Variants in POM121 observed in about 807,000 individuals in gnomAD.
POM121 encodes the protein POM121 transmembrane nucleoporin, also known as nuclear envelope pore membrane protein POM 121.
In POM121, 32 loss-of-function variants were observed where a neutral mutation model predicts 81.3. The ratio of observed to expected loss-of-function variants is 0.39; its 90% confidence interval spans 0.30 to 0.53. The LOEUF is 0.53. Ranked by LOEUF, POM121 falls within the 20% of genes least tolerant of loss-of-function variation. The pLI is 0.66. For synonymous variants in POM121, 514 were observed against 694.2 expected, an observed-to-expected ratio of 0.74 and a Z score of 4.08; for missense variants, 1,138 against 1,614.6, an observed-to-expected ratio of 0.70 and a Z score of 5.06.
intron 3 of POM121, among the ~76,000 whole-genome samples, chr7:72,902,892 T>C (rs1157121425): frequency 7.2e-5 from 11 of 152,218 alleles, no homozygotes; most frequent in Non-Finnish European, 5.9e-5. Flanking sequence ...TTGTTCTCCT[T>C]GTATCCTTTA....
chr7:72,937,926 A>C (rs1215755020), intron 5 of POM121, among the ~76,000 whole-genome samples: 1 of 152,242 alleles, frequency 6.6e-6, no homozygotes, highest in Non-Finnish European at 1.5e-5. Flanking sequence ...TTTAAAATGA[A>C]GTTAGTAAAT....
chr7:72,926,870 A>T lies in POM121; in HGVS notation c.929A>T (p.Glu310Val). 1.2e-6 allele frequency: 2 copies of T among 1,613,998 alleles called. No individual in the cohort carries two copies. The highest frequency in any genetic ancestry group is 4.5e-5 in the East Asian group (2 of 44,892). ...SSNAPDPCAK[E>V]TVLSALKEKE... Reference sequence around the variant, plus strand: ...AACGCCCCAGACCCATGTGCAAAGGAGACAGTACTGAGTGCCCTCAAAGAG... The same window carrying T: ...AACGCCCCAGACCCATGTGCAAAGGTGACAGTACTGAGTGCCCTCAAAGAG... The change falls in exon 3 of 13, where the codon GAG becomes GTG. Residue 310 changes from glutamate (E) to valine (V), a missense_variant. By Grantham distance (121) the Glu-to-Val change is moderately radical. Coordinates refer to ENST00000434423, the MANE Select transcript of POM121 (RefSeq NM_001387691.1).
chr7:72,925,540 A>C lies in POM121; in HGVS notation c.419A>C (p.Tyr140Ser). 2.0e-6 allele frequency: 3 copies of C among 1,530,164 alleles called. No homozygotes were observed. Among genetic ancestry groups the C allele is most frequent in the Non-Finnish European group, 2.6e-6 (3 of 1,144,624 alleles). 94.8% of individuals were successfully genotyped at this position (1,530,164 alleles called of 1,614,324 possible). Residue 140 changes from tyrosine to serine, a missense_variant, in exon 1 of 13, where the codon TAC becomes TCC. By Grantham distance (144) the Tyr-to-Ser change is moderately radical (BLOSUM62 -2). Around this residue, in one of 7 missense-constraint regions of POM121, gnomAD observed 646 missense variants for 633.5 expected, o/e 1.02. Transcript: ENST00000434423. ...DPAELLLMGS[Y>S]LGKPGPPQPA... ...GCGGAACTGCTACTCATGGGCAGTT[A>C]CCTGGGCAAGCCCGGGCCGCCGCAG...
chr7:72,925,770 G>A lies in POM121; in HGVS notation c.644+5G>A. 1 of 1,271,456 alleles carries A rather than the reference G, an allele frequency of 7.9e-7. No homozygotes were observed. The highest frequency in any genetic ancestry group is 2.1e-5 in the South Asian group (1 of 48,306). 78.8% of individuals were successfully genotyped at this position (1,271,456 alleles called of 1,614,324 possible). A position where few individuals can be genotyped will look rare whatever the true frequency, so the allele number is the denominator to read the frequency against. ...CTCCAGGAGGCCTTCCCCACGGTAA[G>A]ATGCGCTGATTTTGTCAGATCATCC... On this transcript the variant is annotated splice_donor_5th_base_variant and intron_variant, in intron 1 of 12. Transcript: ENST00000434423.
rs781784057 is a variant in POM121 at position 72,930,086 on chromosome 7, A to G, written c.1250A>G (p.Tyr417Cys). Residue 417 changes from tyrosine to cysteine, a missense_variant, in exon 5 of 13, where the codon TAC becomes TGC. This residue lies in a region of POM121 where 646 missense variants were observed against 633.5 expected (regional missense o/e 1.02). Transcript: ENST00000434423. ...AGCCGCAATGCCATTACCAGTTCCTACAGCTCCACTCGAGGCATCTCACAG... is the reference window on the plus strand; with the variant it reads ...AGCCGCAATGCCATTACCAGTTCCTGCAGCTCCACTCGAGGCATCTCACAG... ...SSSRNAITSS[Y>C]SSTRGISQLW... is the part of the protein sequence containing the mutation. The G allele has an allele frequency of 1.7e-5, 28 of 1,613,142 alleles. No homozygotes were observed. Among genetic ancestry groups the G allele is most frequent in the Non-Finnish European group, 2.4e-5 (28 of 1,179,454 alleles).
chr7:72,919,720 G>A (rs539982986), intron 4 of POM121, among the ~76,000 whole-genome samples: 2 of 152,060 alleles, frequency 1.3e-5, no homozygotes, highest in Non-Finnish European at 2.9e-5. Context: ...AGGCTCAAGC[G>A]ATCTGCCCAC....
chr7:72,943,403 C>CA lies in POM121; in HGVS notation c.3411dup (p.Ala1138SerfsTer33), dbSNP rs1256908204. The stretch of plus-strand genomic sequence containing the variant: ...TTTGGAGCAGGACAGAGTGGGAGCA[C>CA]AGCCACCTCCACCCCCTTCGCAGGG... On this transcript the variant is annotated frameshift_variant, in exon 11 of 13. Coordinates refer to ENST00000434423, the MANE Select transcript of POM121 (RefSeq NM_001387691.1). LOFTEE classifies it high-confidence loss of function. 1 of 1,613,216 alleles carries CA rather than the reference C, an allele frequency of 6.2e-7. No homozygotes were observed. Among genetic ancestry groups the CA allele is most frequent in the Admixed American group, 1.7e-5 (1 of 59,962 alleles).
chr7:72,909,795 A>G (rs1793630463), intron 3 of POM121, among the ~76,000 whole-genome samples: 1 of 152,134 alleles, frequency 6.6e-6, no homozygotes, highest in Admixed American at 6.5e-5. Flanking sequence ...CCAGCGGTAC[A>G]CACTACCATG....
chr7:72,926,752 G>T, intron 2 of POM121, 50 bp from the exon 3 acceptor site: 2 of 1,599,212 alleles, frequency 1.3e-6, no homozygotes, highest in Non-Finnish European at 1.7e-6. Flanking sequence ...TGTGCTATAT[G>T]GCATGGGAAT....
chr7:72,904,965 C>T (rs562834876), intron 3 of POM121, among the ~76,000 whole-genome samples: 9 of 152,324 alleles, frequency 5.9e-5, no homozygotes, highest in South Asian at 2.1e-4. Flanking sequence ...GGGTGAACCG[C>T]GCCCGTGATC....
At chr7:72,892,095 C>A (rs1242866019) in intron 3 of POM121, among the ~76,000 whole-genome samples, 1 of 152,230 alleles carries the variant, frequency 6.6e-6, no homozygotes, top group South Asian at 2.1e-4. Context: ...GTGTGAATTT[C>A]ATAAGTGAAT....
chr7:72,894,681 G>GAGAGAGAGAGAGAGAGAT (rs1210955228), intron 3 of POM121, among the ~76,000 whole-genome samples: 2 of 136,748 alleles, frequency 1.5e-5, no homozygotes, highest in African/African-American at 5.0e-5. Flanking sequence ...GAGAGAGAGA[G>GAGAGAGAGAGAGAGAGAT]ATCTCCGTCC....
chr7:72,924,828 C>T, upstream of POM121: 1 of 395,162 alleles, frequency 2.5e-6, no homozygotes, highest in Non-Finnish European at 4.4e-6. Context: ...CATAAAAGAT[C>T]ACGGATTAGG....
chr7:72,912,286 G>A (rs1349028689), intron 3 of POM121, among the ~76,000 whole-genome samples: 3 of 152,216 alleles, frequency 2.0e-5, no homozygotes, highest in Non-Finnish European at 4.4e-5. Flanking sequence ...AGATAGGCGA[G>A]ATACAGCCCA....
intron 1 of POM121, among the ~76,000 whole-genome samples, chr7:72,887,925 T>A (rs1790896705): frequency 6.6e-6 from 1 of 152,264 alleles, no homozygotes; most frequent in Non-Finnish European, 1.5e-5. Context: ...TGTTTTTCTT[T>A]GGTGTGTGCT....
chr7:72,938,014 G>A (rs1466417360), intron 5 of POM121, among the ~76,000 whole-genome samples: 8 of 152,068 alleles, frequency 5.3e-5, no homozygotes, highest in African/African-American at 9.7e-5. Context: ...TATCCTCTCC[G>A]TAGACAGTCT....
At chr7:72,880,733 A>G (rs1554489175) in intron 1 of POM121, among the ~76,000 whole-genome samples, 2 of 150,126 alleles carry the variant, frequency 1.3e-5, no homozygotes, top group East Asian at 2.0e-4. Flanking sequence ...CAAAAAATAC[A>G]AAAGTCGCCA....
intron 3 of POM121, among the ~76,000 whole-genome samples, chr7:72,904,263 G>A (rs1793010894): frequency 6.6e-6 from 1 of 152,226 alleles, no homozygotes; most frequent in Non-Finnish European, 1.5e-5. Flanking sequence ...GTACACATGG[G>A]CAGGTCTGAA....
At chr7:72,918,886 C>T (rs1461024927) in intron 4 of POM121, among the ~76,000 whole-genome samples, 1 of 152,126 alleles carries the variant, frequency 6.6e-6, no homozygotes, top group Non-Finnish European at 1.5e-5. Flanking sequence ...CAACCTCCAC[C>T]TTCCGGGTTC....
Sources: gnomAD v4.1 joint callset for allele counts (sites outside exome capture counted in the v4.1 genomes callset) on GRCh38, gnomAD v4.1.1 for gene constraint, gnomAD v4.1.1 regional missense constraint, MANE v1.5 for transcripts, NCBI Gene and HGNC (gene_info 2026-07-23, HGNC 2026-07-21) for gene names.